AKAP13: variants seen among roughly 807,000 people sequenced by gnomAD.
The protein encoded by AKAP13 is A-kinase anchoring protein 13, also known as A-kinase anchor protein 13.
A neutral mutation model predicts 264.5 loss-of-function variants in AKAP13; 80 were observed. The ratio of observed to expected loss-of-function variants is 0.30; its 90% CI spans 0.25 to 0.36. AKAP13 has a LOEUF of 0.36. Ranked by LOEUF, AKAP13 falls within the 10% of genes least tolerant of loss-of-function variation. The pLI is 1.00. For missense variants in AKAP13, 3,712 were observed against 3,435.2 expected, an observed-to-expected ratio of 1.08 and a Z score of -2.01; for synonymous variants, 1,380 against 1,250.2, an observed-to-expected ratio of 1.10 and a Z score of -2.19.
At chr15:85,609,570 A>G (rs1449218614) in intron 8 of AKAP13, among the ~76,000 whole-genome samples, 1 of 152,228 alleles carries the variant, frequency 6.6e-6, no homozygotes, top group Admixed American at 6.5e-5. Context: ...ACAGTATACT[A>G]AACATGAGAG....
intron 1 of AKAP13, among the ~76,000 whole-genome samples, chr15:85,460,798 G>C (rs1201359301): frequency 1.3e-5 from 2 of 152,322 alleles, no homozygotes; most frequent in South Asian, 4.1e-4. Context: ...GCAGCCAAGA[G>C]ATGCAAGTGC....
chr15:85,679,742 A>G (rs1421609193), intron 14 of AKAP13, among the ~76,000 whole-genome samples: 1 of 152,246 alleles, frequency 6.6e-6, no homozygotes, highest in African/African-American at 2.4e-5. Context: ...TCATGCCTTG[A>G]AAGATAATCT....
chr15:85,649,021 G>C (rs1426541536), intron 10 of AKAP13, among the ~76,000 whole-genome samples: 2 of 152,114 alleles, frequency 1.3e-5, no homozygotes, highest in African/African-American at 4.8e-5. Flanking sequence ...ACCAGGAGAG[G>C]CTTTGCAATA....
chr15:85,560,055 C>T (rs1302950374), intron 5 of AKAP13, among the ~76,000 whole-genome samples: 1 of 140,890 alleles, frequency 7.1e-6, no homozygotes. Flanking sequence ...AGCCTAAGCG[C>T]AGATGTCTGC....
At chr15:85,620,060 A>T in intron 8 of AKAP13, 2 of 1,535,952 alleles carry the variant, frequency 1.3e-6, no homozygotes, top group Non-Finnish European at 1.7e-6. Flanking sequence ...TACTTCCTGC[A>T]TTTTCTCTGT....
chr15:85,633,501 A>C, intron 8 of AKAP13, among the ~76,000 whole-genome samples: 1 of 149,954 alleles, frequency 6.7e-6, no homozygotes. Context: ...GCCATTTGAA[A>C]TTAAGAGAAA....
chr15:85,576,189 T>C (rs1026721), intron 6 of AKAP13, among the ~76,000 whole-genome samples: 94,493 of 151,944 alleles, frequency 0.62, 29,548 homozygotes, highest in Middle Eastern at 0.72. Flanking sequence ...GAACTAAATT[T>C]CTGGCATAAA....
In AKAP13 at chr15:85,723,261, G is replaced by A. The variant is rs767950472; in HGVS notation, c.6686G>A (p.Arg2229Gln). 30 of 1,614,134 alleles carry A rather than the reference G, an allele frequency of 1.9e-5. No homozygotes were observed. The highest frequency in any genetic ancestry group is 4.5e-5 in the East Asian group (2 of 44,886). Residue 2229 changes from arginine (R) to glutamine (Q), a missense_variant, in exon 26 of 37, where the codon CGG becomes CAG. This residue lies in a region of AKAP13 where 342 missense variants were observed against 484.3 expected (regional missense o/e 0.71). Transcript: ENST00000394518. ...ATGTTTGCCAAGGAAGATTTGAAAC[G>A]GAAGAAGCTTGTACGTGATGGGAGT... The part of the protein sequence containing the change: ...GQMFAKEDLK[R>Q]KKLVRDGSVF...
chr15:85,400,380 C>T (rs962850713), intron 1 of AKAP13, among the ~76,000 whole-genome samples: 1 of 151,902 alleles, frequency 6.6e-6, no homozygotes, highest in African/African-American at 2.4e-5. Flanking sequence ...GCCTTTACTC[C>T]AGCCTGGGTG....
intron 5 of AKAP13, among the ~76,000 whole-genome samples, chr15:85,554,903 T>C (rs1363725440): frequency 1.3e-5 from 2 of 152,188 alleles, no homozygotes; most frequent in Non-Finnish European, 2.9e-5. Flanking sequence ...AAACTTTTTT[T>C]GTTTAAAAGC....
chr15:85,559,694 TG>T (rs2078289551), intron 5 of AKAP13, among the ~76,000 whole-genome samples: 2 of 129,236 alleles, frequency 1.5e-5, no homozygotes, highest in East Asian at 4.7e-4. Flanking sequence ...GAGAATCTAG[TG>T]CCACCGTTGA....
At chr15:85,504,694 C>CAAA (rs60149423) in intron 2 of AKAP13, among the ~76,000 whole-genome samples, 3 of 105,736 alleles carry the variant, frequency 2.8e-5, no homozygotes, top group African/African-American at 4.7e-5. Flanking sequence ...ACCCTGTCTC[C>CAAA]AAAAAAAAAA....
intron 1 of AKAP13, among the ~76,000 whole-genome samples, chr15:85,440,920 T>G (rs983293048): frequency 6.6e-6 from 1 of 152,170 alleles, no homozygotes; most frequent in African/African-American, 2.4e-5. Context: ...GATTTCACTG[T>G]AGGGACTGAT....
intron 10 of AKAP13, among the ~76,000 whole-genome samples, chr15:85,647,882 T>G (rs1476732776): frequency 6.6e-6 from 1 of 151,844 alleles, no homozygotes; most frequent in Non-Finnish European, 1.5e-5. Context: ...GAGCCGAGAT[T>G]GTGCCACTGC....
At chr15:85,686,191 ATGTGTG>A (rs55994240) in intron 16 of AKAP13, among the ~76,000 whole-genome samples, 2 of 151,354 alleles carry the variant, frequency 1.3e-5, no homozygotes, top group African/African-American at 4.9e-5. Flanking sequence ...ACGTGCATGC[ATGTGTG>A]TGTGTGTGTG....
At chr15:85,743,361 C>A in intron 35 of AKAP13, 131 bp from the exon 36 acceptor site, 3 of 887,244 alleles carry the variant, frequency 3.4e-6, no homozygotes, top group Non-Finnish European at 5.1e-6. Flanking sequence ...CAGACGTGAG[C>A]TCTGTAGAGT....
chr15:85,579,004 G>C lies in AKAP13; in HGVS notation c.936G>C (p.Glu312Asp). 4 of 1,614,052 alleles carry C rather than the reference G, an allele frequency of 2.5e-6. No individual in the cohort carries two copies. Among genetic ancestry groups the C allele is most frequent in the Non-Finnish European group, 3.4e-6 (4 of 1,180,018 alleles). ...MTAQDPSSAP[E>D]TDGQFLPCAP... ...CACAGGATCCTTCCAGTGCCCCAGA[G>C]ACAGATGGCCAGTTTCTTCCCTGTG... Residue 312 changes from glutamate (E) to aspartate (D), a missense_variant, in exon 7 of 37, where the codon GAG becomes GAC. Transcript: ENST00000394518.
In AKAP13 at chr15:85,741,096, G is replaced by C. The variant is rs1276672710; in HGVS notation, c.7659G>C (p.Leu2553=). The part of the protein sequence containing the change: ...DSYIEDQKLV[L]SERALTRSLS... ...ACATTGAGGACCAGAAACTGGTGCT[G>C]AGCGAGAGGGCGCTCACTCGCAGCT... Residue 2553 remains leucine (L), a synonymous_variant, in exon 35 of 37, where the codon CTG becomes CTC. Coordinates refer to ENST00000394518, the MANE Select transcript of AKAP13 (RefSeq NM_007200.5). The C allele has an allele frequency of 1.9e-6, 3 of 1,613,478 alleles. No homozygotes were observed. In the African/African-American group the frequency reaches 4.0e-5, roughly 22 times the overall value.
At chr15:85,620,751 G>C (rs1020058958) in intron 8 of AKAP13, among the ~76,000 whole-genome samples, 1 of 152,188 alleles carries the variant, frequency 6.6e-6, no homozygotes, top group Non-Finnish European at 1.5e-5. Flanking sequence ...TTCAGAGGTA[G>C]CTTCTGACTT....
Sources: gnomAD v4.1 joint callset for allele counts (sites outside exome capture counted in the v4.1 genomes callset) on GRCh38, gnomAD v4.1.1 for gene constraint, gnomAD v4.1.1 regional missense constraint, MANE v1.5 for transcripts, NCBI Gene and HGNC (gene_info 2026-07-23, HGNC 2026-07-21) for gene names.